KLRG1: variants seen among roughly 807,000 people sequenced by gnomAD.
The protein encoded by KLRG1 is killer cell lectin-like receptor subfamily G member 1.
In KLRG1, 16 loss-of-function variants were observed where a neutral mutation model predicts 21.8. The ratio of observed to expected loss-of-function variants is 0.73; its 90% CI spans 0.50 to 1.11. The LOEUF (loss-of-function observed/expected upper bound fraction) is 1.11, where lower values mean the gene tolerates loss of function less well. Among genes scored for constraint, KLRG1 ranks in the 50% most tolerant of loss-of-function variants. KLRG1 has a pLI of 0.00. For missense variants in KLRG1, 173 were observed against 218.3 expected (o/e 0.79, Z 1.31); for synonymous variants, 69 against 75.9 (o/e 0.91, Z 0.47).
At chr12:8,970,521 T>A (rs1307835135) in intron 1 of KLRG1, 1 of 152,272 alleles carries the variant, frequency 6.6e-6, no homozygotes, top group African/African-American at 2.4e-5. Context: ...CCAGATGGCT[T>A]CACTGGTAAA....
chr12:9,109,898 C>T, the KLRG1 span: 8 of 1,612,440 alleles, frequency 5.0e-6, no homozygotes, highest in Middle Eastern at 1.6e-4. Context: ...GGTGCTCTGT[C>T]CTTCCACCTG....
chr12:9,191,431 T>A, the KLRG1 span, among the ~76,000 whole-genome samples: 1 of 152,002 alleles, frequency 6.6e-6, no homozygotes, highest in Non-Finnish European at 1.5e-5. Context: ...AGAGTACTGA[T>A]TAATAATGCA....
the KLRG1 span, chr12:9,201,452 T>C: frequency 2.3e-6 from 2 of 851,124 alleles, no homozygotes; most frequent in Non-Finnish European, 3.7e-6. Context: ...TATCTGTAGC[T>C]AAATTCAACA....
At chr12:9,079,865 A>G in the KLRG1 span, 59 of 1,446,886 alleles carry the variant, frequency 4.1e-5, no homozygotes, top group African/African-American at 5.7e-4. Context: ...ATTATCATCT[A>G]TCAAAGTCAT....
At chr12:9,160,221 T>G in the KLRG1 span, 1 of 1,262,974 alleles carries the variant, frequency 7.9e-7, no homozygotes, top group East Asian at 2.3e-5. Flanking sequence ...ATAAAAATTA[T>G]CATCATGGGT....
In KLRG1 at chr12:8,953,540, CT is replaced by C. The variant is rs771870548; in HGVS notation, c.-156+3307del. Among the ~76,000 whole-genome samples the C allele has an allele frequency of 4.0e-4, 61 of 152,250 alleles. No homozygotes were observed. The East Asian group carries it at 4.1e-3, about 10-fold the overall frequency. Reference sequence around the variant, plus strand: ...TTTGACTTGTAGCTTGGCTTTCAGGCTTTAAACTGTCTTCAGCTTGGAGATG... The same window carrying C: ...TTTGACTTGTAGCTTGGCTTTCAGGCTTAAACTGTCTTCAGCTTGGAGATG... On this transcript the variant is annotated intron_variant, in intron 1 of 4. Coordinates refer to the KLRG1 transcript ENST00000539240.
At position 9,004,547 on chromosome 12, in the gene KLRG1, T is replaced by C. The variant is rs768778744; in HGVS notation, c.358-4428T>C. On this transcript the variant is annotated intron_variant, in intron 3 of 4. Coordinates refer to ENST00000356986, the MANE Select transcript of KLRG1 (RefSeq NM_005810.4). ...GCAATGGCATGATCACAGCTCACTT[T>C]AGCCTCAAACTCCTGGGCTCAAGTG... Among the ~76,000 whole-genome samples, 11 of 152,318 alleles carry C rather than the reference T, an allele frequency of 7.2e-5. No homozygotes were observed. In the East Asian group the frequency reaches 2.1e-3, roughly 29 times the overall value.
the KLRG1 span, among the ~76,000 whole-genome samples, chr12:9,029,798 C>G: frequency 6.6e-6 from 1 of 152,044 alleles, no homozygotes; most frequent in Non-Finnish European, 1.5e-5. Context: ...ACTCTGTTGC[C>G]CAGGCTGGAG....
downstream of KLRG1, among the ~76,000 whole-genome samples, chr12:9,015,253 C>T (rs192643844): frequency 2.7e-4 from 41 of 152,092 alleles, no homozygotes; most frequent in Non-Finnish European, 5.4e-4. Flanking sequence ...CAATCTGTCA[C>T]CTACAAGAAA....
downstream of KLRG1, among the ~76,000 whole-genome samples, chr12:9,013,344 C>T (rs1230068887): frequency 6.6e-6 from 1 of 152,146 alleles, no homozygotes; most frequent in East Asian, 1.9e-4. Context: ...TCAAGACCAT[C>T]GAGGAAAACA....
the KLRG1 span, chr12:9,029,141 G>T: frequency 3.2e-6 from 1 of 312,784 alleles, no homozygotes; most frequent in East Asian, 6.5e-5. Flanking sequence ...GGTGTCCAAG[G>T]GCAGAAAGGC....
intron 3 of KLRG1, among the ~76,000 whole-genome samples, chr12:9,007,445 T>C (rs1040306293): frequency 1.3e-5 from 2 of 152,102 alleles, no homozygotes; most frequent in African/African-American, 4.8e-5. Context: ...TATTTTTGTT[T>C]TTAGTAGAGA....
the KLRG1 span, among the ~76,000 whole-genome samples, chr12:9,103,051 G>A: frequency 5.3e-5 from 8 of 152,048 alleles, no homozygotes; most frequent in African/African-American, 1.7e-4. Flanking sequence ...ATGCTATACC[G>A]AATAACTTAT....
chr12:9,051,591 G>A, the KLRG1 span, among the ~76,000 whole-genome samples: 6 of 152,170 alleles, frequency 3.9e-5, no homozygotes, highest in Admixed American at 6.5e-5. Flanking sequence ...CTGTTCTAAC[G>A]CTTAGTATAG....
At chr12:9,103,758 G>A in the KLRG1 span, among the ~76,000 whole-genome samples, 85,109 of 152,000 alleles carry the variant, frequency 0.56, 25,424 homozygotes, top group African/African-American at 0.76. Context: ...CCCTTCTCAG[G>A]CTGCATAATA....
the KLRG1 span, among the ~76,000 whole-genome samples, chr12:9,119,802 C>T: frequency 0.01 from 1,537 of 151,984 alleles, 33 homozygotes; most frequent in African/African-American, 0.035. Context: ...GGAGAGATGC[C>T]GCATTCATTA....
At chr12:9,158,053 C>T in the KLRG1 span, among the ~76,000 whole-genome samples, 2 of 152,204 alleles carry the variant, frequency 1.3e-5, no homozygotes, top group Non-Finnish European at 2.9e-5. Context: ...TAGGCTCAAG[C>T]AATTTTGCTG....
the KLRG1 span, chr12:9,069,865 G>A: frequency 1.3e-6 from 2 of 1,538,386 alleles, no homozygotes; most frequent in Non-Finnish European, 1.8e-6. Flanking sequence ...AAACCCCTGG[G>A]GGATCCAGAG....
the KLRG1 span, among the ~76,000 whole-genome samples, chr12:9,061,870 T>C: frequency 6.6e-6 from 1 of 152,126 alleles, no homozygotes; most frequent in African/African-American, 2.4e-5. Context: ...TATAGGTAGC[T>C]AATAGCTAAT....
Sources: allele counts gnomAD v4.1 joint callset (sites outside exome capture counted in the v4.1 genomes callset), GRCh38; gene constraint gnomAD v4.1.1; transcripts MANE v1.5; gene names NCBI Gene and HGNC (gene_info 2026-07-23, HGNC 2026-07-21).